Variants in GRAMD1B observed in about 807,000 individuals in gnomAD.
GRAMD1B encodes GRAM domain containing 1B.
A neutral mutation model predicts 99.7 loss-of-function variants in GRAMD1B; 37 were observed. The observed-to-expected ratio is 0.37, with a 90% CI of 0.29 to 0.49. The LOEUF (loss-of-function observed/expected upper bound fraction) is 0.49. Among genes scored for constraint, GRAMD1B ranks in the 20% least tolerant of loss-of-function variants. The pLI is 0.98. For missense variants in GRAMD1B, 888 were observed against 1,009.2 expected (o/e 0.88, Z 1.63); for synonymous variants, 427 against 387.6 (o/e 1.10, Z -1.19).
chr11:123,488,042 T>A lies in GRAMD1B; in HGVS notation c.452+7149T>A, dbSNP rs768661469. Among the ~76,000 whole-genome samples the A allele has an allele frequency of 6.6e-5, 10 of 152,274 alleles. 1 individual carries two copies. The highest frequency in any genetic ancestry group is 8.8e-5 in the Non-Finnish European group (6 of 68,018). On this transcript the variant is annotated intron_variant, in intron 2 of 19. Coordinates refer to ENST00000635736, the MANE Select transcript of GRAMD1B (RefSeq NM_001387025.1). ...ATTTTGGAGCCCGGGAAGTCCAAGA[T>A]CAAGATTTGGGCATTCAGGTGAGGT...
rs1954823007 is a variant in GRAMD1B at position 123,619,230 on chromosome 11, A to T, written c.2544+6A>T. On this transcript the variant is annotated splice_donor_region_variant and intron_variant, in intron 19 of 19. Transcript: ENST00000635736. The stretch of plus-strand genomic sequence containing the variant: ...CAGTGATGCTCCTTGACCAGGTGAG[A>T]TGCCCCACCTTCTCTGCTTGCCCTG... The T allele has an allele frequency of 6.4e-7, 1 of 1,553,588 alleles. No homozygotes were observed. Among genetic ancestry groups the T allele is most frequent in the African/African-American group, 1.4e-5 (1 of 73,130 alleles).
chr11:123,550,710 A>G (rs1028955798), intron 2 of GRAMD1B, among the ~76,000 whole-genome samples: 9 of 152,172 alleles, frequency 5.9e-5, no homozygotes, highest in Admixed American at 2.0e-4. Context: ...ACCTTAATCC[A>G]GGATTAAGAA....
chr11:123,452,074 T>A (rs531898618), intron 1 of GRAMD1B, among the ~76,000 whole-genome samples: 52 of 152,256 alleles, frequency 3.4e-4, no homozygotes, highest in African/African-American at 1.1e-3. Context: ...CCTCAAGAAA[T>A]TCTCTTTCCT....
intron 1 of GRAMD1B, among the ~76,000 whole-genome samples, chr11:123,466,477 GAAAGAAAGAA>G (rs1212230910): frequency 6.6e-6 from 1 of 151,500 alleles, no homozygotes; most frequent in South Asian, 2.1e-4. Flanking sequence ...AGAAAAGAAA[GAAAGAAAGAA>G]AAAGAAAGAA....
At chr11:123,569,893 G>A (rs1947870204) in intron 2 of GRAMD1B, among the ~76,000 whole-genome samples, 1 of 152,188 alleles carries the variant, frequency 6.6e-6, no homozygotes, top group African/African-American at 2.4e-5. Context: ...TCGCGCCAAT[G>A]GTAATTGTTA....
chr11:123,610,137 G>C lies in GRAMD1B; in HGVS notation c.1777-59G>C. 4 of 1,570,092 alleles carry C rather than the reference G, an allele frequency of 2.5e-6. No individual in the cohort carries two copies. The East Asian group carries it at 9.0e-5, about 35-fold the overall frequency. On this transcript the variant is annotated intron_variant, in intron 13 of 19. Transcript: ENST00000635736. The surrounding 1 kb of genome is among the most constrained non-coding windows in gnomAD (Gnocchi z 4.1). ...TGGGCTTGGGGAGGCTGGAGAAGGT[G>C]CTTTTCCAAGCTTCTTGCTCCTCTT... is the stretch of plus-strand genomic sequence containing the variant.
chr11:123,436,608 C>T (rs1249314053), intron 1 of GRAMD1B, among the ~76,000 whole-genome samples: 1 of 152,202 alleles, frequency 6.6e-6, no homozygotes, highest in East Asian at 1.9e-4. Context: ...GAGACACTCT[C>T]AAAGTGTTGC....
chr11:123,368,258 CAAAA>C (rs1024340450), intron 1 of GRAMD1B, among the ~76,000 whole-genome samples: 9 of 88,306 alleles, frequency 1.0e-4, no homozygotes, highest in Admixed American at 5.7e-4. Context: ...CATCTTAAAA[CAAAA>C]AAAAAAAAAA....
chr11:123,552,103 TCTC>T (rs1157376630), intron 2 of GRAMD1B, among the ~76,000 whole-genome samples: 1 of 152,102 alleles, frequency 6.6e-6, no homozygotes, highest in African/African-American at 2.4e-5. Context: ...CCCTGTGCGT[TCTC>T]CTCTGGAGAA....
At chr11:123,386,707 G>A (rs377322868) in intron 1 of GRAMD1B, among the ~76,000 whole-genome samples, 1 of 151,966 alleles carries the variant, frequency 6.6e-6, no homozygotes, top group Non-Finnish European at 1.5e-5. Flanking sequence ...CCTCAGCCTC[G>A]CAAAGTGCTG....
chr11:123,392,992 A>G (rs1947332677), intron 1 of GRAMD1B, among the ~76,000 whole-genome samples: 1 of 152,216 alleles, frequency 6.6e-6, no homozygotes, highest in African/African-American at 2.4e-5. Context: ...AGTCATTGAT[A>G]AGATTGTTGA....
intron 1 of GRAMD1B, among the ~76,000 whole-genome samples, chr11:123,472,218 A>T (rs1478870622): frequency 8.1e-5 from 12 of 147,892 alleles, no homozygotes; most frequent in Non-Finnish European, 1.6e-4. Context: ...ATGGAGCAAG[A>T]CTCTGTCTCA....
At chr11:123,442,660 C>G (rs1949461543) in intron 1 of GRAMD1B, among the ~76,000 whole-genome samples, 1 of 152,096 alleles carries the variant, frequency 6.6e-6, no homozygotes, top group East Asian at 1.9e-4. Flanking sequence ...GTCTCAGCTA[C>G]TCAGGAAGTT....
chr11:123,407,211 A>C (rs913302791), intron 1 of GRAMD1B, among the ~76,000 whole-genome samples: 1 of 152,254 alleles, frequency 6.6e-6, no homozygotes, highest in Non-Finnish European at 1.5e-5. Context: ...CTGATCTGAA[A>C]ATCCCAAACA....
At chr11:123,509,572 A>G (rs1940770752) in intron 2 of GRAMD1B, among the ~76,000 whole-genome samples, 1 of 152,228 alleles carries the variant, frequency 6.6e-6, no homozygotes, top group South Asian at 2.1e-4. Context: ...GCTCTGTTGT[A>G]TGGATGCCAG....
At chr11:123,563,145 T>G (rs1946965428) in intron 2 of GRAMD1B, among the ~76,000 whole-genome samples, 1 of 152,062 alleles carries the variant, frequency 6.6e-6, no homozygotes. Flanking sequence ...CACGTGAAAA[T>G]GTCACGTGGA....
chr11:123,535,256 T>C (rs937478658), intron 2 of GRAMD1B, among the ~76,000 whole-genome samples: 1 of 151,284 alleles, frequency 6.6e-6, no homozygotes, highest in Non-Finnish European at 1.5e-5. Flanking sequence ...AAAAAAAATC[T>C]CATACAACCT....
Position 123,587,526 on chromosome 11 carries a change from G to A in GRAMD1B, c.684+3194G>A, listed in dbSNP as rs544207537. The stretch of plus-strand genomic sequence containing the variant: ...TGGCCAGGGCCACTGGGGCAAGAGG[G>A]GTGAAATTTACTCCCCCTCAGCCCC... On this transcript the variant is annotated intron_variant, in intron 4 of 19. Transcript: ENST00000635736. The surrounding 1 kb of genome is among the most constrained non-coding windows in gnomAD (Gnocchi z 4.2). 6.6e-6 allele frequency among the ~76,000 whole-genome samples: 1 copy of A among 152,328 alleles called. No homozygotes were observed. The highest frequency in any genetic ancestry group is 1.9e-4 in the East Asian group (1 of 5,180).
At chr11:123,473,235 T>C (rs1325933996) in intron 1 of GRAMD1B, among the ~76,000 whole-genome samples, 1 of 152,122 alleles carries the variant, frequency 6.6e-6, no homozygotes, top group Non-Finnish European at 1.5e-5. Context: ...GGCTAAGTTT[T>C]GTATTTGTAG....
Sources: gnomAD v4.1 joint callset for allele counts (sites outside exome capture counted in the v4.1 genomes callset) on GRCh38, gnomAD v4.1.1 for gene constraint, Gnocchi (gnomAD v3.1) non-coding constraint, MANE v1.5 for transcripts, NCBI Gene and HGNC (gene_info 2026-07-23, HGNC 2026-07-21) for gene names.